The following SDK2 variants were observed in gnomAD, a reference collection of about 807,000 sequenced individuals.
SDK2 encodes protein sidekick-2.
Under a neutral mutation model 253.9 loss-of-function variants are expected in SDK2, and 105 were observed. The observed-to-expected ratio is 0.41, with a 90% CI of 0.35 to 0.49. The LOEUF is 0.49. Among genes scored for constraint, SDK2 ranks in the 20% least tolerant of loss-of-function variants. SDK2 has a pLI of 0.06. For missense variants in SDK2, 2,608 were observed against 3,003.0 expected (o/e 0.87, Z 3.07); for synonymous variants, 1,249 against 1,234.9 (o/e 1.01, Z -0.24).
intron 6 of SDK2, among the ~76,000 whole-genome samples, chr17:73,439,200 CCTT>C (rs1186217474): frequency 4.6e-5 from 7 of 152,154 alleles, no homozygotes. Context: ...TCCCCTTTCT[CCTT>C]CTGCCATGAT....
At position 73,455,684 on chromosome 17, in the gene SDK2, C is replaced by T. The variant is rs2063520735; in HGVS notation, c.479+222G>A. On this transcript the variant is annotated intron_variant, in intron 4 of 44. Transcript: ENST00000392650. This position sits in a 1 kb window ranked among gnomAD's most constrained non-coding sequence, Gnocchi z 5.0. ...ATGGTGGAGGCAACGCCCTGGGATTCCCCAGGAAGGGGACCGGGCATGGGT... is the reference window on the plus strand; with the variant it reads ...ATGGTGGAGGCAACGCCCTGGGATTTCCCAGGAAGGGGACCGGGCATGGGT... Among the ~76,000 whole-genome samples the T allele has an allele frequency of 6.6e-6, 1 of 152,182 alleles. No homozygotes were observed. Among genetic ancestry groups the T allele is most frequent in the Admixed American group, 6.5e-5 (1 of 15,290 alleles).
intron 3 of SDK2, among the ~76,000 whole-genome samples, chr17:73,469,332 G>A (rs2063627518): frequency 6.6e-6 from 1 of 152,174 alleles, no homozygotes; most frequent in African/African-American, 2.4e-5. Flanking sequence ...GTGGTCCAGG[G>A]CCCTTGGAAC....
intron 36 of SDK2, among the ~76,000 whole-genome samples, chr17:73,373,469 G>A (rs145337985): frequency 3.9e-5 from 6 of 152,166 alleles, no homozygotes; most frequent in Non-Finnish European, 8.8e-5. Flanking sequence ...ACTGATATAC[G>A]TTCCCACCAA....
intron 1 of SDK2, among the ~76,000 whole-genome samples, chr17:73,546,192 G>C (rs1179146429): frequency 2.0e-5 from 3 of 152,220 alleles, no homozygotes; most frequent in African/African-American, 7.2e-5. Context: ...CTCCCTGAAG[G>C]TGCCAGGGCA....
At position 73,511,059 on chromosome 17, in the gene SDK2, G is replaced by A. The variant is rs188732997; in HGVS notation, c.65-3462C>T. 1.4e-4 allele frequency among the ~76,000 whole-genome samples: 21 copies of A among 152,288 alleles called. No individual in the cohort carries two copies. The highest frequency in any genetic ancestry group is 6.5e-4 in the Admixed American group (10 of 15,302). On this transcript the variant is annotated intron_variant, in intron 1 of 44. Coordinates refer to ENST00000392650, the MANE Select transcript of SDK2 (RefSeq NM_001144952.2). The surrounding 1 kb of genome is among the most constrained non-coding windows in gnomAD (Gnocchi z 4.9). ...TGCCAAGGAAAAGGACCCACTGCCC[G>A]CCGCCCGGCTGGCAGCAGCCAGCTC...
rs2063461137 is a variant in SDK2 at position 73,447,509 on chromosome 17, C to A, written c.613+106G>T. 2 of 1,478,972 alleles carry A rather than the reference C, an allele frequency of 1.4e-6. No homozygotes were observed. The highest frequency in any genetic ancestry group is 1.7e-4 in the Middle Eastern group (1 of 5,720). The allele number at this position is 1,478,972 out of a possible 1,614,324, so 91.6% of individuals were successfully genotyped here. On this transcript the variant is annotated intron_variant, in intron 5 of 44. Transcript: ENST00000392650. This position sits in a 1 kb window ranked among gnomAD's most constrained non-coding sequence, Gnocchi z 4.0. ...TCCCCCCGGCCGTCCCCTAGCTTCCCTGTCCCCCTCCTCTGCCACTCCATC... is the reference window on the plus strand; with the variant it reads ...TCCCCCCGGCCGTCCCCTAGCTTCCATGTCCCCCTCCTCTGCCACTCCATC...
intron 1 of SDK2, among the ~76,000 whole-genome samples, chr17:73,527,238 G>A (rs551554022): frequency 6.6e-6 from 1 of 152,296 alleles, no homozygotes; most frequent in East Asian, 1.9e-4. Flanking sequence ...AGGGGGAGGG[G>A]AGCAGGATGA....
At chr17:73,359,912 G>A (rs1359385307) in intron 39 of SDK2, among the ~76,000 whole-genome samples, 1 of 152,172 alleles carries the variant, frequency 6.6e-6, no homozygotes, top group Non-Finnish European at 1.5e-5. Context: ...AAAATGTTGG[G>A]ATTACAGGCG....
chr17:73,468,985 C>T (rs981119044), intron 3 of SDK2, among the ~76,000 whole-genome samples: 5 of 149,932 alleles, frequency 3.3e-5, no homozygotes, highest in South Asian at 2.1e-4. Context: ...CCACCATGCC[C>T]GGCTAATTTT....
At chr17:73,614,107 C>T (rs1449210541) in intron 1 of SDK2, among the ~76,000 whole-genome samples, 2 of 152,038 alleles carry the variant, frequency 1.3e-5, no homozygotes, top group Non-Finnish European at 2.9e-5. Context: ...GCCCTCGCTC[C>T]CTCCCCCTCC....
chr17:73,458,571 C>T (rs1191090102), intron 3 of SDK2, among the ~76,000 whole-genome samples: 1 of 152,234 alleles, frequency 6.6e-6, no homozygotes, highest in Non-Finnish European at 1.5e-5. Context: ...CACAATCTCC[C>T]TGCAAATGAC....
At chr17:73,579,705 G>A (rs940649901) in intron 1 of SDK2, among the ~76,000 whole-genome samples, 8 of 152,294 alleles carry the variant, frequency 5.3e-5, no homozygotes, top group African/African-American at 1.7e-4. Flanking sequence ...GGCTGGACGC[G>A]GTGGCTCACG....
chr17:73,463,895 T>A (rs1161933998), intron 3 of SDK2, among the ~76,000 whole-genome samples: 1 of 152,196 alleles, frequency 6.6e-6, no homozygotes, highest in Non-Finnish European at 1.5e-5. Flanking sequence ...AATTGTGGGT[T>A]GTGGGGTTAT....
rs1309063146 is a variant in SDK2 at position 73,599,593 on chromosome 17, A to C, written c.64+44432T>G. ...GGGGAGAGGGAAAAGAGGAGGAGAG[A>C]GGGAGCAAGGAAGGAGGGAGGAAAG... On this transcript the variant is annotated intron_variant, in intron 1 of 44. Transcript: ENST00000392650. 5.3e-5 allele frequency among the ~76,000 whole-genome samples: 8 copies of C among 151,834 alleles called. No homozygotes were observed. In the East Asian group the frequency reaches 1.6e-3, roughly 29 times the overall value.
intron 39 of SDK2, 95 bp from the exon 40 acceptor site, chr17:73,358,299 A>G (rs2062610321): frequency 6.8e-7 from 1 of 1,480,272 alleles, no homozygotes; most frequent in Non-Finnish European, 9.0e-7. Flanking sequence ...GGGTGACAAA[A>G]CCAACCCTGG....
Position 73,379,196 on chromosome 17 carries a change from C to T in SDK2, c.4961G>A (p.Gly1654Glu). ...CCCTACCTTGTACCCCTGGATGTCT[C>T]CATTCTGGCTGTCCAGCGGAGGTGG... ...WEPPPLDSQN[G>E]DIQGYKIYFW... Residue 1654 changes from glycine (G) to glutamate (E), a missense_variant, in exon 36 of 45, where the codon GGA becomes GAA. This residue lies in a region of SDK2 where 1,103 missense variants were observed against 1,143.9 expected (regional missense o/e 0.96). Transcript: ENST00000392650. The surrounding 1 kb of genome is among the most constrained non-coding windows in gnomAD (Gnocchi z 4.5). 1.3e-6 allele frequency: 2 copies of T among 1,557,964 alleles called. No homozygotes were observed. Among genetic ancestry groups the T allele is most frequent in the Non-Finnish European group, 1.7e-6 (2 of 1,150,276 alleles).
chr17:73,390,237 G>C (rs1362181955), intron 29 of SDK2, 50 bp downstream of exon 29: 1 of 1,449,650 alleles, frequency 6.9e-7, no homozygotes, highest in Non-Finnish European at 9.2e-7. Flanking sequence ...GCACTGGCTG[G>C]CCCCCCCTCA....
intron 37 of SDK2, among the ~76,000 whole-genome samples, chr17:73,366,147 T>C (rs1175327014): frequency 6.6e-6 from 1 of 152,134 alleles, no homozygotes; most frequent in African/African-American, 2.4e-5. Context: ...CGGACCTGCT[T>C]CCGGCTCCAG....
intron 44 of SDK2, among the ~76,000 whole-genome samples, chr17:73,340,738 T>TTTG (rs2062428064): frequency 9.4e-6 from 1 of 106,470 alleles, no homozygotes; most frequent in Non-Finnish European, 2.2e-5. Flanking sequence ...CTTAAAGTTT[T>TTTG]TTTTTTTTTT....
Sources: allele counts gnomAD v4.1 joint callset (sites outside exome capture counted in the v4.1 genomes callset), GRCh38; gene constraint gnomAD v4.1.1; regional missense constraint gnomAD v4.1.1; non-coding constraint Gnocchi (gnomAD v3.1); transcripts MANE v1.5; gene names NCBI Gene and HGNC (gene_info 2026-07-23, HGNC 2026-07-21).